Variants in DACH2 observed in about 807,000 individuals in gnomAD.
The protein encoded by DACH2 is dachshund homolog 2.
Under a neutral mutation model 35.8 loss-of-function variants are expected in DACH2, and 17 were observed. That is an observed-to-expected ratio of 0.48 (90% CI 0.33 to 0.71). DACH2 has a LOEUF of 0.71. Among genes scored for constraint, DACH2 ranks in the 30% least tolerant of loss-of-function variants. The pLI is 0.02. For synonymous variants in DACH2, 195 were observed against 177.3 expected, an observed-to-expected ratio of 1.10 and a Z score of -0.79; for missense variants, 469 against 472.7, an observed-to-expected ratio of 0.99 and a Z score of 0.07.
At chrX:86,572,094 G>A (rs910528545) in intron 3 of DACH2, among the ~76,000 whole-genome samples, 4 of 110,871 alleles carry the variant, frequency 3.6e-5, no homozygotes, top group Admixed American at 9.7e-5. Flanking sequence ...GGCCTGTTGC[G>A]GGGTGCGGGG....
chrX:86,419,225 C>T (rs774219642), intron 2 of DACH2, among the ~76,000 whole-genome samples: 39 of 112,029 alleles, frequency 3.5e-4, no homozygotes, highest in Non-Finnish European at 7.5e-5. Context: ...GTCTTTTCCA[C>T]ATTTTTGGGC....
At chrX:86,207,109 C>A (rs1423261968) in intron 1 of DACH2, among the ~76,000 whole-genome samples, 2 of 111,000 alleles carry the variant, frequency 1.8e-5, no homozygotes, top group Non-Finnish European at 1.9e-5. Flanking sequence ...CATTAAAAAC[C>A]ATTTCAATCA....
At chrX:86,386,577 T>C (rs1420860652) in intron 2 of DACH2, among the ~76,000 whole-genome samples, 2 of 111,661 alleles carry the variant, frequency 1.8e-5, no homozygotes, top group African/African-American at 6.5e-5. Context: ...CTTATTTATA[T>C]CAGCATAGAC....
chrX:86,812,928 T>A lies in DACH2; in HGVS notation c.1313T>A (p.Leu438Ter). The A allele has an allele frequency of 8.3e-7, 1 of 1,206,648 alleles. No homozygotes were observed. Among genetic ancestry groups the A allele is most frequent in the Non-Finnish European group, 1.1e-6 (1 of 892,941 alleles). Residue 438 changes from leucine (L) to a stop codon, truncating the protein, a stop_gained, in exon 8 of 12, where the codon TTG becomes TAG. Coordinates refer to ENST00000373125, the MANE Select transcript of DACH2 (RefSeq NM_053281.3). LOFTEE classifies it high-confidence loss of function. ...ATACAGCTGACTCCTGGGCAGGCAT[T>A]GCCCGCTGGATTCCCTGGACCATTC... ...DKIQLTPGQA[L>*]PAGFPGPFIF...
intron 2 of DACH2, among the ~76,000 whole-genome samples, chrX:86,381,141 A>G (rs1245902418): frequency 9.1e-6 from 1 of 110,088 alleles, no homozygotes; most frequent in African/African-American, 3.3e-5. Flanking sequence ...GTGTGTCTTC[A>G]ACTTTAATGG....
intron 4 of DACH2, among the ~76,000 whole-genome samples, chrX:86,659,101 G>A (rs1272572933): frequency 9.0e-6 from 1 of 110,853 alleles, no homozygotes; most frequent in Non-Finnish European, 1.9e-5. Flanking sequence ...CATCTCATTA[G>A]ATGTGGAGAA....
chrX:86,713,955 G>A lies in DACH2; in HGVS notation c.932-593G>A, dbSNP rs774791735. On this transcript the variant is annotated intron_variant, in intron 5 of 11. Transcript: ENST00000373125. ...TATTTCTTATTAAACTAGAAAATACGTTGATATTTTGATAGGGGAGTTATT... is the reference window on the plus strand; with the variant it reads ...TATTTCTTATTAAACTAGAAAATACATTGATATTTTGATAGGGGAGTTATT... Among the ~76,000 whole-genome samples, 3 of 111,523 alleles carry A rather than the reference G, an allele frequency of 2.7e-5. No individual in the cohort carries two copies. In the South Asian group the frequency reaches 1.1e-3, roughly 41 times the overall value.
Position 86,148,655 on chromosome X carries a change from C to G in DACH2, c.35C>G (p.Thr12Ser). 1 of 1,188,221 alleles carries G rather than the reference C, an allele frequency of 8.4e-7. No homozygotes were observed. The highest frequency in any genetic ancestry group is 1.1e-6 in the Non-Finnish European group (1 of 883,370). The change falls in exon 1 of 12, where the codon ACT (threonine) becomes AGT (serine). Residue 12 changes from threonine (T) to serine (S), a missense_variant. Thr to Ser is a moderately conservative substitution (Grantham distance 58, BLOSUM62 1). This residue lies in a region of DACH2 where 99 missense variants were observed against 114.3 expected (regional missense o/e 0.87). Coordinates refer to ENST00000373125, the MANE Select transcript of DACH2 (RefSeq NM_053281.3). ...TCCGCATCTCCAGTGATCTCTGCAA[C>G]TTCCAGCGGCGCCGGCGTCCCGGGG... is the stretch of plus-strand genomic sequence containing the variant. The part of the protein sequence containing the change: ...AVSASPVISA[T>S]SSGAGVPGGL...
intron 3 of DACH2, among the ~76,000 whole-genome samples, chrX:86,625,486 T>C (rs1185564181): frequency 9.0e-6 from 1 of 111,142 alleles, no homozygotes; most frequent in Non-Finnish European, 1.9e-5. Context: ...TAACTGATAG[T>C]AATATGCTCC....
At chrX:86,504,484 ATTT>A (rs2038295435) in intron 2 of DACH2, among the ~76,000 whole-genome samples, 1 of 103,362 alleles carries the variant, frequency 9.7e-6, no homozygotes, top group African/African-American at 3.8e-5. Context: ...GATCTTATTT[ATTT>A]ATTTATTTAT....
chrX:86,258,571 G>A (rs745936437), intron 1 of DACH2, among the ~76,000 whole-genome samples: 2 of 111,189 alleles, frequency 1.8e-5, no homozygotes, highest in African/African-American at 3.3e-5. Context: ...GAAATTATGC[G>A]TTATGCTTTT....
At chrX:86,412,983 T>C (rs1274910147) in intron 2 of DACH2, among the ~76,000 whole-genome samples, 1 of 111,790 alleles carries the variant, frequency 8.9e-6, no homozygotes, top group Non-Finnish European at 1.9e-5. Context: ...CCACTAGGCA[T>C]TGTGCCTTTT....
intron 6 of DACH2, among the ~76,000 whole-genome samples, chrX:86,715,575 C>A (rs1002339814): frequency 5.4e-5 from 6 of 111,417 alleles, no homozygotes; most frequent in African/African-American, 2.0e-4. Flanking sequence ...CCTTCACTTA[C>A]TCAACAAATA....
chrX:86,819,560 A>G (rs2042488365), intron 11 of DACH2, among the ~76,000 whole-genome samples: 1 of 112,196 alleles, frequency 8.9e-6, no homozygotes, highest in Non-Finnish European at 1.9e-5. Flanking sequence ...CAGCAGTACC[A>G]TTAGCTAACA....
intron 2 of DACH2, among the ~76,000 whole-genome samples, chrX:86,406,832 A>G (rs1461044853): frequency 8.9e-6 from 1 of 112,088 alleles, no homozygotes; most frequent in Non-Finnish European, 1.9e-5. Context: ...CTTCTGGTCC[A>G]GGATCTAAAG....
intron 6 of DACH2, among the ~76,000 whole-genome samples, chrX:86,716,599 G>A (rs1214695818): frequency 6.3e-5 from 7 of 111,523 alleles, no homozygotes; most frequent in African/African-American, 2.0e-4. Flanking sequence ...AATGATGGAA[G>A]AGTACTCTTA....
Position 86,208,786 on chromosome X carries a change from C to T in DACH2, c.488+59678C>T, listed in dbSNP as rs749392334. 8.6e-4 allele frequency among the ~76,000 whole-genome samples: 96 copies of T among 111,470 alleles called. 2 individuals are homozygous for T. Among genetic ancestry groups the T allele is most frequent in the African/African-American group, 3.0e-3 (91 of 30,780 alleles). On this transcript the variant is annotated intron_variant, in intron 1 of 11. Transcript: ENST00000373125. ...AATTGAGCAAGCATTTATTGGACAC[C>T]TACATTCCAGCAATTGCGTTTTGTC...
At position 86,654,005 on chromosome X, in the gene DACH2, C is replaced by A. The variant is rs1046194529; in HGVS notation, c.772+2838C>A. ...ATGCTGATACCTAACAGGTTGGTGGCCAGCTTTGTTCCTCTCTGTCCTCTG... is the reference window on the plus strand; with the variant it reads ...ATGCTGATACCTAACAGGTTGGTGGACAGCTTTGTTCCTCTCTGTCCTCTG... On this transcript the variant is annotated intron_variant, in intron 4 of 11. Coordinates refer to ENST00000373125, the MANE Select transcript of DACH2 (RefSeq NM_053281.3). 2.8e-5 allele frequency among the ~76,000 whole-genome samples: 3 copies of A among 108,660 alleles called. 1 individual carries two copies. Among genetic ancestry groups the A allele is most frequent in the Non-Finnish European group, 3.8e-5 (2 of 52,492 alleles). 94.4% of individuals were successfully genotyped at this position (108,660 alleles called of 115,157 possible).
chrX:86,291,309 T>C (rs1258720155), intron 1 of DACH2, among the ~76,000 whole-genome samples: 2 of 95,870 alleles, frequency 2.1e-5, no homozygotes, highest in Admixed American at 1.2e-4. Context: ...GCTTATCAGC[T>C]TAAGGAGATT....
Sources: allele counts gnomAD v4.1 joint callset (sites outside exome capture counted in the v4.1 genomes callset), GRCh38; gene constraint gnomAD v4.1.1; regional missense constraint gnomAD v4.1.1; transcripts MANE v1.5; gene names NCBI Gene and HGNC (gene_info 2026-07-23, HGNC 2026-07-21).